SYCP1: variants seen among roughly 807,000 people sequenced by gnomAD.
SYCP1 encodes synaptonemal complex protein 1.
Under a neutral mutation model 153.1 loss-of-function variants are expected in SYCP1, and 64 were observed. The ratio of observed to expected loss-of-function variants is 0.42; its 90% CI spans 0.34 to 0.51. SYCP1 has a LOEUF of 0.51. SYCP1 is among the 20% of genes least tolerant of loss of function. SYCP1 has a pLI of 0.06. For missense variants in SYCP1, 997 were observed against 1,049.0 expected (o/e 0.95, Z 0.68); for synonymous variants, 384 against 341.8 (o/e 1.12, Z -1.36).
At chr1:114,937,236 T>A (rs1361428398) in intron 23 of SYCP1, among the ~76,000 whole-genome samples, 3 of 151,956 alleles carry the variant, frequency 2.0e-5, no homozygotes, top group Non-Finnish European at 4.4e-5. Flanking sequence ...TCAGAAATAA[T>A]ACCACACATC....
chr1:114,917,557 G>A (rs112751472), intron 20 of SYCP1, among the ~76,000 whole-genome samples: 2,391 of 152,112 alleles, frequency 0.016, 67 homozygotes, highest in African/African-American at 0.054. Flanking sequence ...GAACCTCCAA[G>A]CCATTCTCCA....
At chr1:114,950,069 G>A (rs867682313) in intron 27 of SYCP1, among the ~76,000 whole-genome samples, 3 of 152,132 alleles carry the variant, frequency 2.0e-5, no homozygotes, top group Admixed American at 1.3e-4. Context: ...CCCTCCCAAA[G>A]GAAGAATTAT....
At chr1:114,945,663 C>A (rs1265157149) in intron 25 of SYCP1, among the ~76,000 whole-genome samples, 1 of 152,148 alleles carries the variant, frequency 6.6e-6, no homozygotes, top group Non-Finnish European at 1.5e-5. Context: ...CATTTTCCCA[C>A]CTTTGGCTAG....
intron 16 of SYCP1, among the ~76,000 whole-genome samples, chr1:114,898,658 CT>C (rs1667220263): frequency 6.6e-6 from 1 of 152,072 alleles, no homozygotes; most frequent in Non-Finnish European, 1.5e-5. Flanking sequence ...CTCTCCAGTC[CT>C]CATTTTTGCT....
chr1:114,919,914 A>C (rs1281247783), intron 20 of SYCP1, among the ~76,000 whole-genome samples: 1 of 151,582 alleles, frequency 6.6e-6, no homozygotes, highest in African/African-American at 2.4e-5. Context: ...TCGTCTTCCT[A>C]AAGTTTTGTC....
chr1:114,923,425 T>C, intron 20 of SYCP1, 24 bp from the exon 21 acceptor site: 1 of 1,545,702 alleles, frequency 6.5e-7, no homozygotes, highest in African/African-American at 1.4e-5. Flanking sequence ...TTTAGTATAA[T>C]GTCACTCTTC....
chr1:114,993,723 G>A (rs1348509795), intron 30 of SYCP1, among the ~76,000 whole-genome samples: 1 of 151,104 alleles, frequency 6.6e-6, no homozygotes, highest in Non-Finnish European at 1.5e-5. Context: ...TTCTTATTTT[G>A]GTATAATACA....
chr1:114,959,244 C>T (rs993760975), intron 27 of SYCP1, among the ~76,000 whole-genome samples: 2 of 152,042 alleles, frequency 1.3e-5, no homozygotes, highest in African/African-American at 2.4e-5. Context: ...CCGTTTATTC[C>T]ATTAATATTA....
intron 27 of SYCP1, among the ~76,000 whole-genome samples, chr1:114,948,817 C>T (rs941953035): frequency 4.6e-5 from 7 of 152,114 alleles, no homozygotes; most frequent in African/African-American, 1.7e-4. Flanking sequence ...TACCTTTATC[C>T]TACTGTTTCA....
At chr1:114,888,273 A>G (rs921620573) in intron 15 of SYCP1, among the ~76,000 whole-genome samples, 1 of 152,122 alleles carries the variant, frequency 6.6e-6, no homozygotes, top group Non-Finnish European at 1.5e-5. Context: ...ATTGCAAAGA[A>G]TAAAATAGTT....
Position 114,860,721 on chromosome 1 carries a change from T to C in SYCP1, c.525-15T>C. On this transcript the variant is annotated splice_polypyrimidine_tract_variant and intron_variant, in intron 7 of 31. Transcript: ENST00000369522. ...GATCAGATTACACACAGGCAAACTC[T>C]TTCCTTTGTTTCAGGAATAATGCCA... 6.3e-7 allele frequency: 1 copy of C among 1,582,846 alleles called. No homozygotes were observed. The highest frequency in any genetic ancestry group is 8.6e-7 in the Non-Finnish European group (1 of 1,164,694).
At chr1:114,936,841 ATG>A (rs1670044556) in intron 23 of SYCP1, among the ~76,000 whole-genome samples, 2 of 152,332 alleles carry the variant, frequency 1.3e-5, no homozygotes, top group East Asian at 3.9e-4. Context: ...CTTACAAGGG[ATG>A]CGAAGGACCT....
intron 30 of SYCP1, among the ~76,000 whole-genome samples, chr1:114,993,327 AG>A (rs1674052650): frequency 6.6e-6 from 1 of 151,524 alleles, no homozygotes; most frequent in South Asian, 2.1e-4. Flanking sequence ...TCATCCACAA[AG>A]CTTCTGAAGT....
intron 8 of SYCP1, among the ~76,000 whole-genome samples, chr1:114,866,070 T>C (rs916894092): frequency 6.6e-6 from 1 of 152,176 alleles, no homozygotes; most frequent in African/African-American, 2.4e-5. Flanking sequence ...CACAGCTTAT[T>C]TATCCATTCA....
chr1:114,934,805 CAAAG>C (rs781688317), intron 23 of SYCP1, among the ~76,000 whole-genome samples: 10 of 152,228 alleles, frequency 6.6e-5, no homozygotes, highest in South Asian at 4.1e-4. Context: ...TCAAAAGAGA[CAAAG>C]AAGACCATAG....
intron 21 of SYCP1, among the ~76,000 whole-genome samples, chr1:114,925,049 G>A (rs571680898): frequency 2.6e-5 from 4 of 152,176 alleles, no homozygotes; most frequent in African/African-American, 9.6e-5. Flanking sequence ...TGGGAAATCA[G>A]ACCTCCAAAG....
At chr1:114,878,252 T>C (rs1665678040) in intron 12 of SYCP1, 50 bp downstream of exon 12, 5 of 1,166,790 alleles carry the variant, frequency 4.3e-6, no homozygotes, top group Non-Finnish European at 6.2e-6. Flanking sequence ...TTCCTCTTGT[T>C]ATGTTCTAAA....
At chr1:114,951,001 T>C (rs955027041) in intron 27 of SYCP1, among the ~76,000 whole-genome samples, 4 of 152,056 alleles carry the variant, frequency 2.6e-5, no homozygotes, top group African/African-American at 9.7e-5. Context: ...ATTTTTTGTA[T>C]TTTTAGTAGA....
chr1:114,890,384 A>C (rs1666622450), intron 15 of SYCP1, among the ~76,000 whole-genome samples: 1 of 151,488 alleles, frequency 6.6e-6, no homozygotes, highest in African/African-American at 2.4e-5. Context: ...TATATTTATA[A>C]ACATTAATTT....
Sources: gnomAD v4.1 joint callset for allele counts (sites outside exome capture counted in the v4.1 genomes callset) on GRCh38, gnomAD v4.1.1 for gene constraint, MANE v1.5 for transcripts, NCBI Gene and HGNC (gene_info 2026-07-23, HGNC 2026-07-21) for gene names.